Variants in PDHX observed in about 807,000 individuals in gnomAD.
The protein encoded by PDHX is pyruvate dehydrogenase protein X component, mitochondrial.
PDHX carries 33 observed loss-of-function variants against 55.3 expected under a neutral mutation model. That is an observed-to-expected ratio of 0.60 (90% CI 0.45 to 0.80). The LOEUF (loss-of-function observed/expected upper bound fraction) is 0.80. Ranked by LOEUF, PDHX falls within the 30% of genes least tolerant of loss-of-function variation. The pLI is 0.00. For synonymous variants in PDHX, 226 were observed against 219.4 expected (o/e 1.03, Z -0.27); for missense variants, 622 against 619.9 (o/e 1.00, Z -0.04).
At chr11:34,980,031 C>A (rs1204552654) in intron 8 of PDHX, among the ~76,000 whole-genome samples, 1 of 148,596 alleles carries the variant, frequency 6.7e-6, no homozygotes, top group Non-Finnish European at 1.5e-5. Context: ...TTTTTTCTTT[C>A]ACCATAATTA....
chr11:34,978,907 CTGACT>C (rs1197603776), intron 8 of PDHX, among the ~76,000 whole-genome samples: 6 of 152,118 alleles, frequency 3.9e-5, no homozygotes, highest in African/African-American at 1.4e-4. Flanking sequence ...CTAATGTGAT[CTGACT>C]TATACTTCAG....
intron 1 of PDHX, among the ~76,000 whole-genome samples, chr11:34,924,885 C>G (rs182951142): frequency 4.6e-5 from 7 of 152,264 alleles, no homozygotes; most frequent in Admixed American, 3.3e-4. Flanking sequence ...CTCTCTGTTT[C>G]TATTTTAGCC....
Position 34,970,144 on chromosome 11 carries a change from A to G in PDHX, c.822A>G (p.Thr274=), listed in dbSNP as rs1383853839. 6.2e-7 allele frequency: 1 copy of G among 1,613,400 alleles called. No individual in the cohort carries two copies. The highest frequency in any genetic ancestry group is 8.5e-7 in the Non-Finnish European group (1 of 1,179,686). ...AGGTTGCTGTCTTTTTGCAGGGCAC[A>G]TTCACTGAAATCCCCGCCAGCAATA... ...STPGQPNAVG[T]FTEIPASNIR... is the part of the protein sequence containing the mutation. Residue 274 remains threonine (T), a synonymous_variant, in exon 7 of 11, where the codon ACA becomes ACG. Transcript: ENST00000227868.
intron 4 of PDHX, among the ~76,000 whole-genome samples, chr11:34,958,555 C>T (rs1854954102): frequency 6.6e-6 from 1 of 152,154 alleles, no homozygotes; most frequent in Admixed American, 6.5e-5. Flanking sequence ...CCTGCCTCGG[C>T]CTCCCAAAGT....
At chr11:34,961,515 A>G (rs778955696) in intron 5 of PDHX, among the ~76,000 whole-genome samples, 10 of 152,242 alleles carry the variant, frequency 6.6e-5, no homozygotes, top group Non-Finnish European at 1.5e-4. Flanking sequence ...GAAATAAAAA[A>G]TAATATTGGC....
At chr11:34,943,681 G>A (rs552575132) in intron 2 of PDHX, among the ~76,000 whole-genome samples, 3 of 152,140 alleles carry the variant, frequency 2.0e-5, no homozygotes, top group East Asian at 1.9e-4. Flanking sequence ...CTAATCTCTC[G>A]TCACTTCTCT....
chr11:34,973,164 C>T (rs940101015), intron 7 of PDHX, among the ~76,000 whole-genome samples: 1 of 152,096 alleles, frequency 6.6e-6, no homozygotes, highest in Non-Finnish European at 1.5e-5. Context: ...CTTGAACAGA[C>T]CAGTTATTAT....
chr11:34,950,749 C>A (rs1424230516), intron 3 of PDHX, among the ~76,000 whole-genome samples: 1 of 150,258 alleles, frequency 6.7e-6, no homozygotes, highest in East Asian at 1.9e-4. Context: ...TGTATATGTG[C>A]CACATTTTCT....
intron 1 of PDHX, among the ~76,000 whole-genome samples, chr11:34,919,084 G>T (rs1203550549): frequency 2.0e-5 from 3 of 152,132 alleles, no homozygotes; most frequent in East Asian, 1.9e-4. Context: ...GTATTAGGAC[G>T]TGAACCTTTT....
intron 9 of PDHX, among the ~76,000 whole-genome samples, chr11:34,989,016 T>C (rs913156917): frequency 3.3e-5 from 5 of 152,228 alleles, no homozygotes; most frequent in Non-Finnish European, 1.5e-5. Context: ...TTCTGAGAAA[T>C]GCATGGTTAG....
chr11:34,957,965 C>G (rs1046807716), intron 4 of PDHX, among the ~76,000 whole-genome samples: 1 of 152,122 alleles, frequency 6.6e-6, no homozygotes, highest in Non-Finnish European at 1.5e-5. Flanking sequence ...GCTCAAATGT[C>G]TATCTGATAT....
chr11:34,943,279 T>C (rs1255642125), intron 2 of PDHX, among the ~76,000 whole-genome samples: 1 of 152,202 alleles, frequency 6.6e-6, no homozygotes, highest in Non-Finnish European at 1.5e-5. Context: ...AGACCTACTA[T>C]AGGAATCTGG....
chr11:34,941,302 G>A (rs1447104026), intron 2 of PDHX, among the ~76,000 whole-genome samples: 1 of 152,206 alleles, frequency 6.6e-6, no homozygotes, highest in Non-Finnish European at 1.5e-5. Flanking sequence ...CCATTCTGCT[G>A]TAGGTACTAA....
chr11:34,984,205 C>A (rs1429372827), intron 8 of PDHX, among the ~76,000 whole-genome samples: 1 of 152,160 alleles, frequency 6.6e-6, no homozygotes, highest in Non-Finnish European at 1.5e-5. Flanking sequence ...CCTGTTTCCA[C>A]TCTCCTCCTC....
At chr11:34,980,806 G>T (rs1855493364) in intron 8 of PDHX, among the ~76,000 whole-genome samples, 1 of 152,058 alleles carries the variant, frequency 6.6e-6, no homozygotes, top group African/African-American at 2.4e-5. Context: ...AGATAGAGTG[G>T]AATCAAATTG....
chr11:34,984,604 A>G lies in PDHX; in HGVS notation c.1058A>G (p.Glu353Gly). The G allele has an allele frequency of 6.2e-7, 1 of 1,613,968 alleles. No individual in the cohort carries two copies. The highest frequency in any genetic ancestry group is 1.1e-5 in the South Asian group (1 of 91,082). ...GATGTTAATGTAAGCTGGGATGGAG[A>G]GGGCCCAAAGCAACTGCCATTTATT... ...MPDVNVSWDGEGPKQLPFIDI... is the reference protein window; with the variant it reads ...MPDVNVSWDGGGPKQLPFIDI... The change falls in exon 9 of 11, where the codon GAG becomes GGG. Residue 353 changes from glutamate to glycine, a missense_variant. Physicochemically the swap from Glu to Gly is moderately conservative, Grantham distance 98 (BLOSUM62 -2). Coordinates refer to ENST00000227868, the MANE Select transcript of PDHX (RefSeq NM_003477.3).
Position 34,931,467 on chromosome 11 carries a change from A to G in PDHX, c.224A>G (p.Lys75Arg), listed in dbSNP as rs1438808794. ...SPTMEEGNIVKWLKKEGEAVS... is the reference protein window; with the variant it reads ...SPTMEEGNIVRWLKKEGEAVS... Reference sequence around the variant, plus strand: ...ACAATGGAAGAAGGAAACATTGTGAAATGGCTGAAAAAGGAAGGTGAGGAG... The same window carrying G: ...ACAATGGAAGAAGGAAACATTGTGAGATGGCTGAAAAAGGAAGGTGAGGAG... Residue 75 changes from lysine to arginine, a missense_variant, in exon 2 of 11, where the codon AAA becomes AGA. Coordinates refer to ENST00000227868, the MANE Select transcript of PDHX (RefSeq NM_003477.3). 3.8e-6 allele frequency: 6 copies of G among 1,599,120 alleles called. No individual in the cohort carries two copies. In the East Asian group the frequency reaches 1.1e-4, roughly 30 times the overall value.
intron 2 of PDHX, among the ~76,000 whole-genome samples, chr11:34,933,535 T>C (rs1282828601): frequency 2.0e-5 from 3 of 152,138 alleles, no homozygotes; most frequent in Admixed American, 2.0e-4. Flanking sequence ...GAGAAACAGG[T>C]AAAAGTTTCT....
At chr11:34,982,028 G>T (rs949396706) in intron 8 of PDHX, among the ~76,000 whole-genome samples, 6 of 152,106 alleles carry the variant, frequency 3.9e-5, no homozygotes, top group African/African-American at 1.4e-4. Context: ...TGTCAATTTT[G>T]GCTTTTGTTG....
Sources: allele counts gnomAD v4.1 joint callset (sites outside exome capture counted in the v4.1 genomes callset), GRCh38; gene constraint gnomAD v4.1.1; transcripts MANE v1.5; gene names NCBI Gene and HGNC (gene_info 2026-07-23, HGNC 2026-07-21).